Variants in IREB2 observed in about 807,000 individuals in gnomAD.
IREB2 encodes iron-responsive element-binding protein 2.
In IREB2, 39 loss-of-function variants were observed where a neutral mutation model predicts 118.8. The ratio of observed to expected loss-of-function variants is 0.33; its 90% CI spans 0.25 to 0.43. The LOEUF is 0.43. IREB2 is among the 20% of genes least tolerant of loss of function. The probability of loss-of-function intolerance (pLI) is 1.00; values close to 1 mark genes in which losing one functional copy is unlikely to be tolerated. For synonymous variants in IREB2, 372 were observed against 392.2 expected, an observed-to-expected ratio of 0.95 and a Z score of 0.61; for missense variants, 900 against 1,147.3, an observed-to-expected ratio of 0.78 and a Z score of 3.11.
rs1376020935 is a variant in IREB2, at chr15:78,488,744, G to A, written c.2049G>A (p.Met683Ile). The A allele has an allele frequency of 9.7e-6, 15 of 1,543,038 alleles. No homozygotes were observed. Among genetic ancestry groups the A allele is most frequent in the African/African-American group, 2.7e-5 (2 of 73,078 alleles). Reference protein sequence around the residue: ...RVEEEHVILSMFKALKDKIEM... With the variant: ...RVEEEHVILSIFKALKDKIEM... ...AGGAAGAACATGTTATACTATCCAT[G>A]TTTAAAGCATTAAAAGATAAAATAG... The change falls in exon 16 of 22, where the codon ATG becomes ATA. Residue 683 changes from methionine to isoleucine, a missense_variant. Coordinates refer to ENST00000258886, the MANE Select transcript of IREB2 (RefSeq NM_004136.4).
intron 18 of IREB2, among the ~76,000 whole-genome samples, chr15:78,493,318 C>T (rs1017953011): frequency 2.0e-5 from 3 of 152,152 alleles, no homozygotes; most frequent in Non-Finnish European, 4.4e-5. Context: ...TACTGAATTC[C>T]TACAGTCAGC....
intron 2 of IREB2, 41 bp downstream of exon 2, chr15:78,439,922 A>G (rs767207120): frequency 1.7e-6 from 2 of 1,183,232 alleles, no homozygotes; most frequent in East Asian, 4.7e-5. Context: ...TTTAGTCTCT[A>G]ATAATGAAAA....
At chr15:78,473,169 A>C in intron 7 of IREB2, 73 bp from the exon 8 acceptor site, 23 of 1,383,244 alleles carry the variant, frequency 1.7e-5, no homozygotes, top group South Asian at 2.5e-5. Context: ...TGAAACACCT[A>C]GAGATTCAGA....
upstream of IREB2, chr15:78,437,550 G>C (rs952296526): frequency 1.3e-5 from 2 of 152,684 alleles, no homozygotes; most frequent in African/African-American, 4.8e-5. Context: ...AGAAGTGGGT[G>C]GGGGAGAGCC....
rs2051607171 is a variant in IREB2, at chr15:78,483,311, T to C, written c.1297-7T>C. 3 of 1,321,428 alleles carry C rather than the reference T, an allele frequency of 2.3e-6. No homozygotes were observed. The highest frequency in any genetic ancestry group is 1.2e-5 in the South Asian group (1 of 83,972). The allele number at this position is 1,321,428 out of a possible 1,614,324, so 81.9% of individuals were successfully genotyped here. Reference sequence around the variant, plus strand: ...ATTCCTTGTTCTTTCTCTTTCTCATTTCTTAGGTGATCCAGATTAATCTGA... The same window carrying C: ...ATTCCTTGTTCTTTCTCTTTCTCATCTCTTAGGTGATCCAGATTAATCTGA... On this transcript the variant is annotated splice_polypyrimidine_tract_variant and splice_region_variant and intron_variant, in intron 10 of 21. Coordinates refer to ENST00000258886, the MANE Select transcript of IREB2 (RefSeq NM_004136.4).
chr15:78,473,590 T>C (rs1464512487), intron 8 of IREB2: 17 of 525,244 alleles, frequency 3.2e-5, no homozygotes, highest in Non-Finnish European at 5.4e-5. Context: ...TGTTCACTTA[T>C]GTTAGCTCAT....
intron 12 of IREB2, 140 bp from the exon 13 acceptor site, chr15:78,485,565 A>G: frequency 1.2e-6 from 1 of 855,530 alleles, no homozygotes. Context: ...AGTAGAATAA[A>G]GTGGACAAAA....
intron 7 of IREB2, 150 bp from the exon 8 acceptor site, chr15:78,473,092 C>G: frequency 7.5e-6 from 5 of 664,830 alleles, no homozygotes; most frequent in Non-Finnish European, 1.0e-5. Flanking sequence ...TTTGGGAAGC[C>G]TTGGGTTCAG....
intron 18 of IREB2, among the ~76,000 whole-genome samples, chr15:78,493,488 G>C (rs965281140): frequency 6.6e-6 from 1 of 152,130 alleles, no homozygotes; most frequent in African/African-American, 2.4e-5. Context: ...TAAAACACTT[G>C]AGATCAACTG....
At chr15:78,489,350 T>C (rs948165351) in intron 16 of IREB2, among the ~76,000 whole-genome samples, 1 of 152,040 alleles carries the variant, frequency 6.6e-6, no homozygotes, top group African/African-American at 2.4e-5. Flanking sequence ...ATCCCGCATA[T>C]GTACCCCAGA....
At chr15:78,494,384 T>C in intron 20 of IREB2, 120 bp downstream of exon 20, 1 of 993,548 alleles carries the variant, frequency 1.0e-6, no homozygotes, top group Non-Finnish European at 1.5e-6. Flanking sequence ...CTTATAGGTA[T>C]AGAGGGTTTT....
chr15:78,463,372 T>C (rs1367863480), intron 3 of IREB2, among the ~76,000 whole-genome samples: 3 of 151,934 alleles, frequency 2.0e-5, no homozygotes, highest in Non-Finnish European at 4.4e-5. Flanking sequence ...GCCCAGGAGG[T>C]TGAGGCTGCA....
intron 2 of IREB2, among the ~76,000 whole-genome samples, chr15:78,446,413 A>G (rs2050929807): frequency 6.6e-6 from 1 of 152,144 alleles, no homozygotes; most frequent in Admixed American, 6.5e-5. Context: ...GCTCGAGTGA[A>G]GAAGGATTTA....
chr15:78,449,779 G>A (rs895466801), intron 2 of IREB2, among the ~76,000 whole-genome samples: 3 of 152,050 alleles, frequency 2.0e-5, no homozygotes, highest in Admixed American at 6.6e-5. Context: ...GATGCTTCCC[G>A]TATACAAATA....
chr15:78,470,477 A>G, intron 5 of IREB2, 55 bp from the exon 6 acceptor site: 1 of 1,125,754 alleles, frequency 8.9e-7, no homozygotes, highest in South Asian at 1.6e-5. Context: ...AGAAAGAAAC[A>G]AGGCAAGTCT....
intron 2 of IREB2, among the ~76,000 whole-genome samples, chr15:78,460,464 T>C (rs1280325224): frequency 6.6e-6 from 1 of 152,224 alleles, no homozygotes; most frequent in Non-Finnish European, 1.5e-5. Flanking sequence ...TGATGTATTT[T>C]GGTGAATTAT....
chr15:78,443,936 G>T (rs1314983663), intron 2 of IREB2, among the ~76,000 whole-genome samples: 1 of 152,142 alleles, frequency 6.6e-6, no homozygotes, highest in Non-Finnish European at 1.5e-5. Flanking sequence ...GTGAACCACT[G>T]CACGCAGCCA....
intron 2 of IREB2, among the ~76,000 whole-genome samples, chr15:78,453,545 A>G (rs773619671): frequency 2.6e-5 from 4 of 152,230 alleles, no homozygotes; most frequent in Admixed American, 6.5e-5. Context: ...GAAATGATTG[A>G]TGACTCTTGA....
At position 78,438,248 on chromosome 15, in the gene IREB2, C is replaced by T; in HGVS notation, c.-90C>T. 5 of 994,884 alleles carry T rather than the reference C, an allele frequency of 5.0e-6. No homozygotes were observed. Among genetic ancestry groups the T allele is most frequent in the African/African-American group, 1.6e-5 (1 of 62,708 alleles). The allele number at this position is 994,884 out of a possible 1,614,324, so 61.6% of individuals were successfully genotyped here. A position where few individuals can be genotyped will look rare whatever the true frequency, so the allele number is the denominator to read the frequency against. ...CTTCCTTCTTTCCTCCCTTGCCAGTCCGCCTGTCTTCCTCCCCGTCTTCCC... is the reference window on the plus strand; with the variant it reads ...CTTCCTTCTTTCCTCCCTTGCCAGTTCGCCTGTCTTCCTCCCCGTCTTCCC... On this transcript the variant is annotated 5_prime_UTR_variant, in exon 1 of 22. Coordinates refer to ENST00000258886, the MANE Select transcript of IREB2 (RefSeq NM_004136.4).
Sources: gnomAD v4.1 joint callset for allele counts (sites outside exome capture counted in the v4.1 genomes callset) on GRCh38, gnomAD v4.1.1 for gene constraint, MANE v1.5 for transcripts, NCBI Gene and HGNC (gene_info 2026-07-23, HGNC 2026-07-21) for gene names.